FER1L5: variants seen among roughly 807,000 people sequenced by gnomAD.
FER1L5 encodes the protein fer-1-like protein 5.
FER1L5 carries 187 observed loss-of-function variants against 279.9 expected under a neutral mutation model. That is an observed-to-expected ratio of 0.67 (90% CI 0.59 to 0.75). FER1L5 has a LOEUF of 0.75. FER1L5 is among the 30% of genes least tolerant of loss of function. FER1L5 has a pLI of 0.00. For missense variants in FER1L5, 2,091 were observed against 2,594.4 expected (o/e 0.81, Z 4.21); for synonymous variants, 921 against 989.7 (o/e 0.93, Z 1.30).
Position 96,688,108 on chromosome 2 carries a change from C to T in FER1L5, c.2361+161C>T, listed in dbSNP as rs188583616. ...TGAAGAGGAAGAAAAAATTCCTGACCGAAACTGAGGGCTAGGAGATAGTCT... is the reference window on the plus strand; with the variant it reads ...TGAAGAGGAAGAAAAAATTCCTGACTGAAACTGAGGGCTAGGAGATAGTCT... On this transcript the variant is annotated intron_variant, in intron 24 of 52. Transcript: ENST00000624922. 1.3e-4 allele frequency among the ~76,000 whole-genome samples: 20 copies of T among 152,162 alleles called. No homozygotes were observed. In the East Asian group the frequency reaches 1.9e-3, roughly 15 times the overall value.
At position 96,697,577 on chromosome 2, in the gene FER1L5, G is replaced by T; in HGVS notation, c.4134+1G>T. 2 of 1,613,796 alleles carry T rather than the reference G, an allele frequency of 1.2e-6. No individual in the cohort carries two copies. Among genetic ancestry groups the T allele is most frequent in the Non-Finnish European group, 1.7e-6 (2 of 1,179,792 alleles). ...CTGGTTCAAGTCCAGTAAAGCAGAG[G>T]TGATGAAGGCTCAGCCCCATTCAGT... On this transcript the variant is annotated splice_donor_variant, in intron 38 of 52. Coordinates refer to ENST00000624922, the MANE Select transcript of FER1L5 (RefSeq NM_001293083.2). LOFTEE classifies it high-confidence loss of function.
At chr2:96,657,571 C>T (rs1309802701) in intron 9 of FER1L5, among the ~76,000 whole-genome samples, 1 of 152,208 alleles carries the variant, frequency 6.6e-6, no homozygotes, top group Non-Finnish European at 1.5e-5. Flanking sequence ...ATCACTCCGT[C>T]TCATTCCCAT....
At chr2:96,647,713 C>A (rs749949) in intron 3 of FER1L5, 65 bp from the exon 4 acceptor site, 14 of 1,218,806 alleles carry the variant, frequency 1.1e-5, no homozygotes, top group East Asian at 2.5e-5. Flanking sequence ...AAAGCCCTGC[C>A]CGGGAGAGAA....
chr2:96,687,114 G>A (rs1471021469), intron 23 of FER1L5, among the ~76,000 whole-genome samples: 3 of 152,000 alleles, frequency 2.0e-5, no homozygotes, highest in East Asian at 1.9e-4. Context: ...CTGGGGGGAC[G>A]TGGGGGCCAC....
Position 96,689,538 on chromosome 2 carries a change from C to A in FER1L5, c.2526-106C>A. On this transcript the variant is annotated intron_variant, in intron 25 of 52. Coordinates refer to ENST00000624922, the MANE Select transcript of FER1L5 (RefSeq NM_001293083.2). The surrounding 1 kb of genome is among the most constrained non-coding windows in gnomAD (Gnocchi z 4.6). ...GCCCACCACCCTGTCCTGCCCAGAG[C>A]AGGTGGGGATGGGATGCCAGGTATG... 1 of 1,428,156 alleles carries A rather than the reference C, an allele frequency of 7.0e-7. No individual in the cohort carries two copies. Among genetic ancestry groups the A allele is most frequent in the Non-Finnish European group, 9.6e-7 (1 of 1,038,266 alleles). The allele number at this position is 1,428,156 out of a possible 1,614,324, so 88.5% of individuals were successfully genotyped here. A position where few individuals can be genotyped will look rare whatever the true frequency, so the allele number is the denominator to read the frequency against.
intron 18 of FER1L5, among the ~76,000 whole-genome samples, chr2:96,671,989 CT>C (rs1051734082): frequency 5.9e-5 from 9 of 152,038 alleles, no homozygotes; most frequent in Admixed American, 1.3e-4. Context: ...AAAAGCTGGG[CT>C]TGGGAGGCTG....
At chr2:96,644,175 A>C (rs1339268883) in intron 1 of FER1L5, among the ~76,000 whole-genome samples, 1 of 66,854 alleles carries the variant, frequency 1.5e-5, no homozygotes, top group Non-Finnish European at 4.0e-5. Context: ...AGGTGCCTTC[A>C]AAAAAAAAAA....
intron 9 of FER1L5, among the ~76,000 whole-genome samples, chr2:96,659,975 A>T (rs2075896471): frequency 6.6e-6 from 1 of 151,846 alleles, no homozygotes. Context: ...TTCTTTGTCA[A>T]CTCCTACCTC....
At chr2:96,677,957 A>T (rs2076571960) in intron 19 of FER1L5, among the ~76,000 whole-genome samples, 1 of 152,124 alleles carries the variant, frequency 6.6e-6, no homozygotes, top group African/African-American at 2.4e-5. Context: ...AGCTTTTCCA[A>T]AGTGGCCACA....
intron 10 of FER1L5, 23 bp downstream of exon 10, chr2:96,660,394 A>G: frequency 6.4e-7 from 1 of 1,551,178 alleles, no homozygotes; most frequent in Non-Finnish European, 8.7e-7. Context: ...TATGGCAAAT[A>G]TGTATGTCTT....
chr2:96,702,690 C>T lies in FER1L5; in HGVS notation c.5346C>T (p.Ile1782=). Residue 1782 remains isoleucine (I), a synonymous_variant, in exon 48 of 53, where the codon ATC becomes ATT. Transcript: ENST00000624922. This position sits in a 1 kb window ranked among gnomAD's most constrained non-coding sequence, Gnocchi z 4.0. Reference sequence around the variant, plus strand: ...AGGCCGACTTCAACTGGCGGTTCATCTTTACCATGGACTACCTGGCGGCGG... The same window carrying T: ...AGGCCGACTTCAACTGGCGGTTCATTTTTACCATGGACTACCTGGCGGCGG... ...TGEADFNWRF[I]FTMDYLAAER... The T allele has an allele frequency of 1.2e-6, 2 of 1,612,968 alleles. No homozygotes were observed. The highest frequency in any genetic ancestry group is 1.7e-6 in the Non-Finnish European group (2 of 1,179,500).
rs767362709 is a variant in FER1L5 at position 96,663,398 on chromosome 2, A to AG, written c.1072-36dup. The stretch of plus-strand genomic sequence containing the variant: ...GGAAGGTGAGGTCAGTGGAGGGAGG[A>AG]GGGGGCAGGCTGGCACCAACACTGC... On this transcript the variant is annotated intron_variant, in intron 13 of 52. Coordinates refer to ENST00000624922, the MANE Select transcript of FER1L5 (RefSeq NM_001293083.2). 20 of 1,539,886 alleles carry AG rather than the reference A, an allele frequency of 1.3e-5. No individual in the cohort carries two copies. The South Asian group carries it at 1.3e-4, about 10-fold the overall frequency.
rs1052753035 is a variant in FER1L5 at position 96,651,756 on chromosome 2, C to G, written c.505-136C>G. On this transcript the variant is annotated intron_variant, in intron 6 of 52. Coordinates refer to ENST00000624922, the MANE Select transcript of FER1L5 (RefSeq NM_001293083.2). ...TCCTGGGCTCAAGCGATTCTCCCAC[C>G]TCGGCCTCCCAAAGTGCTGGGATTA... 3 of 1,272,902 alleles carry G rather than the reference C, an allele frequency of 2.4e-6. No individual in the cohort carries two copies. The African/African-American group carries it at 4.5e-5, about 19-fold the overall frequency. 78.9% of individuals were successfully genotyped at this position (1,272,902 alleles called of 1,614,324 possible).
In FER1L5 at chr2:96,696,203, G is replaced by T. The variant is rs1234991410; in HGVS notation, c.4083+126G>T. ...CCAACTGTGAGGCCCACCTCGCTCT[G>T]TAGGGTCCTCAGCCTATAGGGTCTC... On this transcript the variant is annotated intron_variant, in intron 37 of 52. Coordinates refer to ENST00000624922, the MANE Select transcript of FER1L5 (RefSeq NM_001293083.2). 1.0e-5 allele frequency: 12 copies of T among 1,203,604 alleles called. No homozygotes were observed. In the East Asian group the frequency reaches 3.0e-4, roughly 30 times the overall value. 74.6% of individuals were successfully genotyped at this position (1,203,604 alleles called of 1,614,324 possible).
rs1407714778 is a variant in FER1L5, at chr2:96,686,168, G to C, written c.2074-27G>C. On this transcript the variant is annotated intron_variant, in intron 22 of 52. Coordinates refer to ENST00000624922, the MANE Select transcript of FER1L5 (RefSeq NM_001293083.2). ...AGCAGGGCTGGGAGCCAGCCGCGCA[G>C]GGCCTGACATTCTCCCACCTCGGCA... The C allele has an allele frequency of 1.4e-5, 21 of 1,548,592 alleles. No homozygotes were observed. In the Middle Eastern group the frequency reaches 5.0e-4, roughly 37 times the overall value.
At chr2:96,651,237 C>CTCTCTCTTTCTT in intron 6 of FER1L5, among the ~76,000 whole-genome samples, 2 of 128,624 alleles carry the variant, frequency 1.6e-5, no homozygotes, top group East Asian at 4.7e-4. Context: ...TTCTTTCTTT[C>CTCTCTCTTTCTT]TCTTTCTTTC....
chr2:96,679,043 C>T (rs2076615454), intron 19 of FER1L5, among the ~76,000 whole-genome samples: 2 of 151,994 alleles, frequency 1.3e-5, no homozygotes, highest in Non-Finnish European at 2.9e-5. Flanking sequence ...AGATTTTTCT[C>T]CTATTTTTTC....
At chr2:96,683,765 AATG>A (rs1482370239) in intron 19 of FER1L5, among the ~76,000 whole-genome samples, 1 of 152,124 alleles carries the variant, frequency 6.6e-6, no homozygotes, top group Non-Finnish European at 1.5e-5. Flanking sequence ...CTGCATGTTA[AATG>A]TTCGTTTTCT....
Position 96,691,846 on chromosome 2 carries a change from G to A in FER1L5, c.3097G>A (p.Ala1033Thr), listed in dbSNP as rs1217492685. Residue 1033 changes from alanine (A) to threonine (T), a missense_variant, in exon 30 of 53, where the codon GCT (alanine) becomes ACT (threonine). Transcript: ENST00000624922. The surrounding 1 kb of genome is among the most constrained non-coding windows in gnomAD (Gnocchi z 6.0). Reference sequence around the variant, plus strand: ...ACAGGCTATGGATCTGAAATACCACGCTGGGAAGGAAGAGGACAGCAAGAC... The same window carrying A: ...ACAGGCTATGGATCTGAAATACCACACTGGGAAGGAAGAGGACAGCAAGAC... ...GSLAMDLKYH[A>T]GKEEDSKTWP... 6.4e-6 allele frequency: 10 copies of A among 1,551,480 alleles called. No individual in the cohort carries two copies. The East Asian group carries it at 9.8e-5, about 15-fold the overall frequency.
Sources: allele counts gnomAD v4.1 joint callset (sites outside exome capture counted in the v4.1 genomes callset), GRCh38; gene constraint gnomAD v4.1.1; non-coding constraint Gnocchi (gnomAD v3.1); transcripts MANE v1.5; gene names NCBI Gene and HGNC (gene_info 2026-07-23, HGNC 2026-07-21).